SH3D19: variants seen among roughly 807,000 people sequenced by gnomAD.
SH3D19 encodes SH3 domain-containing protein 19.
SH3D19 carries 58 observed loss-of-function variants against 112.1 expected under a neutral mutation model. The observed-to-expected ratio is 0.52, with a 90% CI of 0.42 to 0.64. The LOEUF (loss-of-function observed/expected upper bound fraction) is 0.64. SH3D19 is among the 30% of genes least tolerant of loss of function. The probability of loss-of-function intolerance (pLI) is 0.00; values close to 1 mark genes in which losing one functional copy is unlikely to be tolerated. For synonymous variants in SH3D19, 391 were observed against 448.5 expected (o/e 0.87, Z 1.62); for missense variants, 1,090 against 1,263.4 (o/e 0.86, Z 2.08).
At chr4:151,166,480 G>GA (rs1347436551) in intron 7 of SH3D19, among the ~76,000 whole-genome samples, 10 of 147,722 alleles carry the variant, frequency 6.8e-5, no homozygotes, top group African/African-American at 2.5e-4. Flanking sequence ...TAGTGGTTTG[G>GA]AAAAATGACT....
At chr4:151,154,214 C>A (rs1454718152) in intron 9 of SH3D19, among the ~76,000 whole-genome samples, 1 of 150,878 alleles carries the variant, frequency 6.6e-6, no homozygotes, top group Non-Finnish European at 1.5e-5. Context: ...CTCACCACAA[C>A]CTCCGCTTCC....
At chr4:151,199,539 C>T (rs1027572303) in intron 2 of SH3D19, among the ~76,000 whole-genome samples, 11 of 152,134 alleles carry the variant, frequency 7.2e-5, no homozygotes, top group Non-Finnish European at 1.2e-4. Flanking sequence ...AATGATAAAA[C>T]TCATTTGGCA....
At chr4:151,312,380 T>G (rs1037312699) in intron 1 of SH3D19, among the ~76,000 whole-genome samples, 2 of 152,236 alleles carry the variant, frequency 1.3e-5, no homozygotes, top group Admixed American at 1.3e-4. Context: ...TCACCTTACA[T>G]ACAACTTTAA....
intron 1 of SH3D19, among the ~76,000 whole-genome samples, chr4:151,269,261 G>A (rs985023621): frequency 4.6e-4 from 70 of 152,204 alleles, no homozygotes; most frequent in Middle Eastern, 3.4e-3. Flanking sequence ...GTCTGTTCAT[G>A]TCCTTTGCCC....
intron 2 of SH3D19, among the ~76,000 whole-genome samples, chr4:151,214,729 A>C (rs1322008540): frequency 3.6e-5 from 2 of 54,854 alleles, no homozygotes; most frequent in Admixed American, 1.8e-4. Flanking sequence ...GGCGCCCCTC[A>C]CCTCCCGGAT....
chr4:151,233,481 AT>A lies in SH3D19; in HGVS notation c.113-7396del, dbSNP rs371630992. Reference sequence around the variant, plus strand: ...TTCGCAGCTTCCTGAGGTCACTTGCATTCCTTGGCTTGTCGTCCTTTCCTCC... The same window carrying A: ...TTCGCAGCTTCCTGAGGTCACTTGCATCCTTGGCTTGTCGTCCTTTCCTCC... On this transcript the variant is annotated intron_variant, in intron 1 of 19. Transcript: ENST00000604030. Among the ~76,000 whole-genome samples, 11 of 152,190 alleles carry A rather than the reference AT, an allele frequency of 7.2e-5. No individual in the cohort carries two copies. In the East Asian group the frequency reaches 1.5e-3, roughly 21 times the overall value.
chr4:151,150,238 C>CAT (rs1424399128), intron 9 of SH3D19, among the ~76,000 whole-genome samples: 7 of 41,106 alleles, frequency 1.7e-4, no homozygotes, highest in African/African-American at 3.0e-4. Flanking sequence ...TACACACACA[C>CAT]ATATATATAT....
At chr4:151,185,965 A>G (rs756381558) in intron 3 of SH3D19, among the ~76,000 whole-genome samples, 28 of 152,096 alleles carry the variant, frequency 1.8e-4, no homozygotes, top group Non-Finnish European at 3.8e-4. Context: ...GCTTGAGCCT[A>G]GGAGGTGGAG....
intron 2 of SH3D19, among the ~76,000 whole-genome samples, chr4:151,202,983 G>A (rs1256722658): frequency 6.6e-6 from 1 of 152,116 alleles, no homozygotes. Flanking sequence ...TTGGAATGCT[G>A]CCTAAAATTT....
At chr4:151,146,597 A>C (rs535350814) in intron 11 of SH3D19, among the ~76,000 whole-genome samples, 1 of 152,246 alleles carries the variant, frequency 6.6e-6, no homozygotes, top group African/African-American at 2.4e-5. Flanking sequence ...CAGTGGCACA[A>C]TCTCGGCTCA....
At chr4:151,290,814 T>C (rs915002222) in intron 1 of SH3D19, among the ~76,000 whole-genome samples, 3 of 152,240 alleles carry the variant, frequency 2.0e-5, no homozygotes, top group Non-Finnish European at 2.9e-5. Context: ...TTAAGGCAGT[T>C]CATTCATTTG....
chr4:151,238,152 C>T (rs553512314), intron 1 of SH3D19, among the ~76,000 whole-genome samples: 1 of 152,302 alleles, frequency 6.6e-6, no homozygotes, highest in Admixed American at 6.5e-5. Context: ...CCTAGTTCAT[C>T]ATGTGGGTTT....
intron 1 of SH3D19, among the ~76,000 whole-genome samples, chr4:151,321,549 T>C (rs909659659): frequency 2.6e-5 from 4 of 152,116 alleles, no homozygotes; most frequent in African/African-American, 9.7e-5. Context: ...CAATGGAAAC[T>C]AAGTCCTATA....
chr4:151,271,118 G>T (rs1773195523), intron 1 of SH3D19, among the ~76,000 whole-genome samples: 1 of 152,056 alleles, frequency 6.6e-6, no homozygotes, highest in Non-Finnish European at 1.5e-5. Flanking sequence ...AGAGATGGGG[G>T]TCTCATTATG....
intron 14 of SH3D19, 147 bp downstream of exon 14, chr4:151,137,585 C>T: frequency 3.4e-6 from 2 of 592,214 alleles, no homozygotes; most frequent in South Asian, 3.5e-5. Context: ...CCTAGTTGAC[C>T]AAATCTTTAT....
chr4:151,168,460 C>T (rs1758491969), intron 7 of SH3D19, among the ~76,000 whole-genome samples: 1 of 150,088 alleles, frequency 6.7e-6, no homozygotes, highest in South Asian at 2.1e-4. Context: ...CTCACGGTGT[C>T]ACTCTGTCAT....
chr4:151,144,324 C>T, intron 11 of SH3D19: 3 of 1,572,146 alleles, frequency 1.9e-6, no homozygotes, highest in Non-Finnish European at 1.8e-6. Context: ...TATTCACAAT[C>T]AAATAACCTC....
At chr4:151,264,600 T>C (rs1362456630) in intron 1 of SH3D19, among the ~76,000 whole-genome samples, 1 of 152,048 alleles carries the variant, frequency 6.6e-6, no homozygotes, top group Non-Finnish European at 1.5e-5. Context: ...GAGTCTGGAA[T>C]GAGAGCCTGA....
intron 7 of SH3D19, among the ~76,000 whole-genome samples, chr4:151,167,362 C>T (rs574692188): frequency 2.0e-5 from 3 of 151,836 alleles, no homozygotes; most frequent in South Asian, 2.1e-4. Context: ...AAGTGAGAAA[C>T]ATTAAGAATT....
Sources: gnomAD v4.1 joint callset for allele counts (sites outside exome capture counted in the v4.1 genomes callset) on GRCh38, gnomAD v4.1.1 for gene constraint, MANE v1.5 for transcripts, NCBI Gene and HGNC (gene_info 2026-07-23, HGNC 2026-07-21) for gene names.